The following MDM1 variants were observed in gnomAD, a reference collection of about 807,000 sequenced individuals.
MDM1 encodes the protein Mdm1 nuclear protein.
In MDM1, 61 loss-of-function variants were observed where a neutral mutation model predicts 89.1. The ratio of observed to expected loss-of-function variants is 0.68; its 90% CI spans 0.56 to 0.85. MDM1 has a LOEUF of 0.85. Ranked by LOEUF, MDM1 falls within the 40% of genes least tolerant of loss-of-function variation. MDM1 has a pLI of 0.00. For synonymous variants in MDM1, 290 were observed against 294.1 expected, an observed-to-expected ratio of 0.99 and a Z score of 0.14; for missense variants, 820 against 846.5, an observed-to-expected ratio of 0.97 and a Z score of 0.39.
At chr12:68,307,880 G>A (rs958130065) in intron 12 of MDM1, among the ~76,000 whole-genome samples, 1 of 146,234 alleles carries the variant, frequency 6.8e-6, no homozygotes, top group African/African-American at 2.5e-5. Context: ...AGAGGTTGCA[G>A]TGAGCCAAGA....
In MDM1 at chr12:68,326,773, C is replaced by A. The variant is rs1876052102; in HGVS notation, c.382G>T (p.Ala128Ser). The change falls in exon 3 of 15, where the codon GCT (alanine) becomes TCT (serine). Residue 128 changes from alanine (A) to serine (S), a missense_variant. Physicochemically the swap from Ala to Ser is moderately conservative, Grantham distance 99 (BLOSUM62 1). Transcript: ENST00000682720. ...RTRSHSADSR[A>S]EGASDVENNE... is the part of the protein sequence containing the mutation. ...TTTTCCACATCTGAAGCCCCTTCAGCTCTGGAGTCTGCAGAGTGAGATCTG... is the reference window on the plus strand; with the variant it reads ...TTTTCCACATCTGAAGCCCCTTCAGATCTGGAGTCTGCAGAGTGAGATCTG... The A allele has an allele frequency of 6.2e-7, 1 of 1,614,098 alleles. No homozygotes were observed.
intron 14 of MDM1, 151 bp downstream of exon 14, chr12:68,296,772 G>A (rs1871449318): frequency 2.1e-6 from 1 of 467,866 alleles, no homozygotes. Context: ...TGTAAATGGG[G>A]GTAATTTCAC....
In MDM1 at chr12:68,295,254, TTA is replaced by T; in HGVS notation, c.2173_2174del (p.Ter725AsnfsTer14). 6.2e-7 allele frequency: 1 copy of T among 1,606,852 alleles called. No homozygotes were observed. Among genetic ancestry groups the T allele is most frequent in the Non-Finnish European group, 8.5e-7 (1 of 1,174,946 alleles). On this transcript the variant is annotated frameshift_variant and stop_lost, in exon 15 of 15. Coordinates refer to ENST00000682720, the MANE Select transcript of MDM1 (RefSeq NM_001354969.2). LOFTEE classifies it high-confidence loss of function. ...TTAGATAAAGGCAACTCAGCTAGGTTTATGTTTTACCCCAGAAATTCTCCTTC... is the reference window on the plus strand; with the variant it reads ...TTAGATAAAGGCAACTCAGCTAGGTTTGTTTTACCCCAGAAATTCTCCTTC... ...KRKENFWGKT* is the reference protein window; with the variant it reads ...KRKENFWGKTX
chr12:68,322,837 T>C (rs956681075), intron 5 of MDM1, among the ~76,000 whole-genome samples: 3 of 152,220 alleles, frequency 2.0e-5, no homozygotes, highest in Admixed American at 2.0e-4. Flanking sequence ...GTATCATTTT[T>C]ATTTATGTCT....
intron 7 of MDM1, among the ~76,000 whole-genome samples, chr12:68,320,033 CA>C (rs1303208019): frequency 6.6e-6 from 1 of 152,190 alleles, no homozygotes; most frequent in African/African-American, 2.4e-5. Context: ...GTCTTCAAAA[CA>C]AAGAGTTTCT....
At chr12:68,299,126 A>G (rs181286284) in intron 13 of MDM1, among the ~76,000 whole-genome samples, 57 of 152,144 alleles carry the variant, frequency 3.7e-4, no homozygotes, top group African/African-American at 1.3e-3. Context: ...AAAAAATTTT[A>G]AAAAAAACAC....
intron 12 of MDM1, among the ~76,000 whole-genome samples, chr12:68,313,203 T>C (rs974034076): frequency 1.3e-5 from 2 of 152,202 alleles, no homozygotes; most frequent in East Asian, 1.9e-4. Flanking sequence ...AATGAAAGTA[T>C]TGCTTTCTTT....
intron 13 of MDM1, among the ~76,000 whole-genome samples, chr12:68,298,107 C>A (rs1309941909): frequency 6.6e-6 from 1 of 152,188 alleles, no homozygotes; most frequent in Non-Finnish European, 1.5e-5. Context: ...TTGCAAGCAG[C>A]ACCTCCTGAT....
Position 68,313,537 on chromosome 12 carries a change from A to G in MDM1, c.1655T>C (p.Val552Ala). 6.2e-7 allele frequency: 1 copy of G among 1,613,754 alleles called. No homozygotes were observed. The highest frequency in any genetic ancestry group is 8.5e-7 in the Non-Finnish European group (1 of 1,179,644). ...TTPAVGGAVL[V>A]SPSKMKPPAP... is the part of the protein sequence containing the mutation. ...TGGAGGCTTCATCTTAGATGGAGAC[A>G]CTAAAACAGCACCACCTGGAAAAAT... Residue 552 changes from valine to alanine, a missense_variant, in exon 12 of 15, where the codon GTG becomes GCG. Coordinates refer to ENST00000682720, the MANE Select transcript of MDM1 (RefSeq NM_001354969.2).
chr12:68,307,544 G>C lies in MDM1; in HGVS notation c.1750-4672C>G, dbSNP rs143245283. Reference sequence around the variant, plus strand: ...TGGTCCCAGCTACTCAGGAGGCTGAGGTGGGAGGATTGCCTAAGCCCAGAA... The same window carrying C: ...TGGTCCCAGCTACTCAGGAGGCTGACGTGGGAGGATTGCCTAAGCCCAGAA... On this transcript the variant is annotated intron_variant, in intron 12 of 14. Transcript: ENST00000682720. 1.1e-4 allele frequency among the ~76,000 whole-genome samples: 17 copies of C among 152,298 alleles called. No homozygotes were observed. In the East Asian group the frequency reaches 2.9e-3, roughly 26 times the overall value.
At chr12:68,310,997 A>C (rs1873598830) in intron 12 of MDM1, among the ~76,000 whole-genome samples, 1 of 151,990 alleles carries the variant, frequency 6.6e-6, no homozygotes, top group Non-Finnish European at 1.5e-5. Context: ...CAATTCCAAC[A>C]AGTCTTTTAT....
At chr12:68,322,486 T>C (rs193032499) in intron 5 of MDM1, among the ~76,000 whole-genome samples, 1 of 152,156 alleles carries the variant, frequency 6.6e-6, no homozygotes, top group Non-Finnish European at 1.5e-5. Context: ...ATACAAAAAT[T>C]AGCCGGGCAT....
chr12:68,307,250 A>G (rs1365998597), intron 12 of MDM1, among the ~76,000 whole-genome samples: 1 of 152,212 alleles, frequency 6.6e-6, no homozygotes, highest in African/African-American at 2.4e-5. Context: ...AATGTTCACT[A>G]TTTGGGTGAT....
intron 12 of MDM1, 123 bp from the exon 13 acceptor site, chr12:68,302,995 T>A: frequency 3.0e-5 from 20 of 656,660 alleles, no homozygotes; most frequent in Admixed American, 3.3e-5. Flanking sequence ...AGAGAATTTA[T>A]GCAACATCTA....
intron 12 of MDM1, among the ~76,000 whole-genome samples, chr12:68,307,217 T>C (rs1287999690): frequency 6.6e-6 from 1 of 151,592 alleles, no homozygotes; most frequent in Non-Finnish European, 1.5e-5. Flanking sequence ...GGTGCAAGAG[T>C]TGAAAACCTA....
chr12:68,331,373 C>T (rs1203220197), intron 1 of MDM1, 152 bp from the exon 2 acceptor site: 6 of 635,900 alleles, frequency 9.4e-6, no homozygotes, highest in Non-Finnish European at 1.7e-5. Context: ...CTAATATTCA[C>T]CCAGCCCTGT....
rs80219525 is a variant in MDM1 at position 68,323,258 on chromosome 12, T to C, written c.634-18A>G. ...TGGAAAACCTTAAAACAAAAATTAT[T>C]TTAGTTTAGTTTTGTTGATTAAATA... On this transcript the variant is annotated intron_variant, in intron 4 of 14. Coordinates refer to ENST00000682720, the MANE Select transcript of MDM1 (RefSeq NM_001354969.2). The C allele has an allele frequency of 0.15, 225,632 of 1,513,408 alleles. 17,960 individuals carry two copies. Among genetic ancestry groups the C allele is most frequent in the Middle Eastern group, 0.17 (897 of 5,244 alleles). 93.7% of individuals were successfully genotyped at this position (1,513,408 alleles called of 1,614,324 possible).
chr12:68,321,458 G>A lies in MDM1; in HGVS notation c.906-12C>T. 1 of 1,611,552 alleles carries A rather than the reference G, an allele frequency of 6.2e-7. No individual in the cohort carries two copies. The highest frequency in any genetic ancestry group is 8.5e-7 in the Non-Finnish European group (1 of 1,178,286). On this transcript the variant is annotated splice_polypyrimidine_tract_variant and intron_variant, in intron 6 of 14. Transcript: ENST00000682720. Reference sequence around the variant, plus strand: ...CGGAATTCACCTTCCTAATAGAAATGAAATGAAAGTAAATATTTCACCATG... The same window carrying A: ...CGGAATTCACCTTCCTAATAGAAATAAAATGAAAGTAAATATTTCACCATG...
At chr12:68,307,236 G>T (rs1873019102) in intron 12 of MDM1, among the ~76,000 whole-genome samples, 1 of 152,166 alleles carries the variant, frequency 6.6e-6, no homozygotes, top group Non-Finnish European at 1.5e-5. Flanking sequence ...TACCTATTGG[G>T]TACAATGTTC....
Sources: gnomAD v4.1 joint callset for allele counts (sites outside exome capture counted in the v4.1 genomes callset) on GRCh38, gnomAD v4.1.1 for gene constraint, MANE v1.5 for transcripts, NCBI Gene and HGNC (gene_info 2026-07-23, HGNC 2026-07-21) for gene names.